Variants in DLGAP4 observed in about 807,000 individuals in gnomAD.
The protein encoded by DLGAP4 is disks large-associated protein 4.
Under a neutral mutation model 86.9 loss-of-function variants are expected in DLGAP4, and 18 were observed. The ratio of observed to expected loss-of-function variants is 0.21; its 90% confidence interval spans 0.14 to 0.31. DLGAP4 has a LOEUF of 0.31. Ranked by LOEUF, DLGAP4 falls within the 10% of genes least tolerant of loss-of-function variation. The pLI is 1.00. For synonymous variants in DLGAP4, 548 were observed against 574.3 expected (o/e 0.95, Z 0.65); for missense variants, 1,085 against 1,362.6 (o/e 0.80, Z 3.21).
intron 1 of DLGAP4, among the ~76,000 whole-genome samples, chr20:36,316,968 T>A (rs1184509120): frequency 1.3e-5 from 2 of 152,186 alleles, no homozygotes; most frequent in Non-Finnish European, 2.9e-5. Context: ...TGGGAGAAGC[T>A]CAGCTGTTTG....
In DLGAP4 at chr20:36,431,742, C is replaced by T; in HGVS notation, c.25C>T (p.Pro9Ser). The T allele has an allele frequency of 6.2e-7, 1 of 1,602,348 alleles. No homozygotes were observed. The change falls in exon 3 of 13, where the codon CCC (proline) becomes TCC (serine). Residue 9 changes from proline (P) to serine (S), a missense_variant. Around this residue, in one of 2 missense-constraint regions of DLGAP4, gnomAD observed 1,082 missense variants for 1,344.1 expected, o/e 0.81. Transcript: ENST00000339266. This position sits in a 1 kb window ranked among gnomAD's most constrained non-coding sequence, Gnocchi z 5.1. MKGLGDSR[P>S]RHLSDSLDPP... is the part of the protein sequence containing the mutation. ...CATGAAAGGCCTCGGTGACAGCCGCCCCCGCCACCTCTCCGACAGCCTAGA... is the reference window on the plus strand; with the variant it reads ...CATGAAAGGCCTCGGTGACAGCCGCTCCCGCCACCTCTCCGACAGCCTAGA...
chr20:36,498,233 C>G (rs1289381688), intron 8 of DLGAP4: 1 of 152,258 alleles, frequency 6.6e-6, no homozygotes, highest in Admixed American at 6.5e-5. Flanking sequence ...TCTAGGCTTC[C>G]ACTTCCCCAT....
chr20:36,371,579 C>T (rs780239058), intron 2 of DLGAP4, among the ~76,000 whole-genome samples: 4 of 152,210 alleles, frequency 2.6e-5, no homozygotes, highest in Non-Finnish European at 5.9e-5. Context: ...GCTCATGTAA[C>T]ATCGTTGCTG....
At chr20:36,358,633 T>C (rs989027719) in intron 1 of DLGAP4, among the ~76,000 whole-genome samples, 7 of 152,080 alleles carry the variant, frequency 4.6e-5, no homozygotes, top group African/African-American at 1.4e-4. Context: ...GGTGAAACCC[T>C]GTCTCTACTA....
chr20:36,462,716 C>T, intron 7 of DLGAP4: 2 of 1,365,166 alleles, frequency 1.5e-6, no homozygotes, highest in Non-Finnish European at 1.9e-6. Flanking sequence ...GGCTCTGAGG[C>T]CTCCCACAAA....
chr20:36,483,388 G>T (rs991747390), intron 7 of DLGAP4, among the ~76,000 whole-genome samples: 12 of 152,182 alleles, frequency 7.9e-5, no homozygotes, highest in African/African-American at 1.2e-4. Flanking sequence ...CAGGCTGGGG[G>T]GAAACCAGGA....
intron 7 of DLGAP4, among the ~76,000 whole-genome samples, chr20:36,495,736 G>C (rs1194268382): frequency 6.6e-6 from 1 of 152,204 alleles, no homozygotes; most frequent in Non-Finnish European, 1.5e-5. Flanking sequence ...CAGGGAGTTG[G>C]ACCAGTGGAG....
chr20:36,384,480 G>A (rs2031524029), intron 2 of DLGAP4, among the ~76,000 whole-genome samples: 1 of 152,140 alleles, frequency 6.6e-6, no homozygotes, highest in Non-Finnish European at 1.5e-5. Flanking sequence ...CAACCTACAG[G>A]GGAGGTACTA....
At chr20:36,365,145 G>A (rs1180506854) in intron 1 of DLGAP4, among the ~76,000 whole-genome samples, 2 of 152,194 alleles carry the variant, frequency 1.3e-5, no homozygotes, top group Admixed American at 6.5e-5. Flanking sequence ...GAGACTTGCC[G>A]TTCTGTCAGC....
chr20:36,315,673 C>T (rs2065092559), intron 1 of DLGAP4, among the ~76,000 whole-genome samples: 1 of 152,074 alleles, frequency 6.6e-6, no homozygotes. Flanking sequence ...GGGGCTGGGC[C>T]TCCCCTTCCC....
At chr20:36,381,686 G>A (rs2031398047) in intron 2 of DLGAP4, among the ~76,000 whole-genome samples, 1 of 152,120 alleles carries the variant, frequency 6.6e-6, no homozygotes, top group Admixed American at 6.5e-5. Flanking sequence ...GGTGTCCTGG[G>A]GTAAGCCCCT....
At chr20:36,401,964 G>C (rs947891199) in intron 2 of DLGAP4, among the ~76,000 whole-genome samples, 12 of 152,178 alleles carry the variant, frequency 7.9e-5, no homozygotes, top group Admixed American at 2.0e-4. Flanking sequence ...GGCTGGAGCC[G>C]AGTGAATGAC....
intron 1 of DLGAP4, among the ~76,000 whole-genome samples, chr20:36,353,323 G>T (rs1401230083): frequency 6.6e-6 from 1 of 152,170 alleles, no homozygotes; most frequent in Non-Finnish European, 1.5e-5. Flanking sequence ...CTGAGAGGGG[G>T]CGGCTCTGGC....
chr20:36,469,413 G>T (rs1030732047), intron 7 of DLGAP4, among the ~76,000 whole-genome samples: 10 of 152,078 alleles, frequency 6.6e-5, no homozygotes, highest in Admixed American at 6.6e-4. Flanking sequence ...GAGCATCTTG[G>T]TATAAAGCAA....
At chr20:36,463,484 C>T (rs957646989) in intron 7 of DLGAP4, among the ~76,000 whole-genome samples, 1 of 152,196 alleles carries the variant, frequency 6.6e-6, no homozygotes, top group Admixed American at 6.5e-5. Context: ...GGCTCTTTAA[C>T]CTCCTCCCCA....
chr20:36,463,052 C>T (rs1295551874), intron 7 of DLGAP4, among the ~76,000 whole-genome samples: 1 of 152,122 alleles, frequency 6.6e-6, no homozygotes, highest in African/African-American at 2.4e-5. Flanking sequence ...CTGTGGGGTT[C>T]ATGGCCAGAA....
chr20:36,355,928 G>A lies in DLGAP4; in HGVS notation c.-303-11117G>A, dbSNP rs150337875. On this transcript the variant is annotated intron_variant, in intron 1 of 12. Coordinates refer to ENST00000339266, the MANE Select transcript of DLGAP4 (RefSeq NM_001365621.2). ...GTGAGGATAGAGCTCAGGCCCCAGG[G>A]TAAGCCAATGGGCATAGAGCTCATG... is the stretch of plus-strand genomic sequence containing the variant. 8.2e-3 allele frequency among the ~76,000 whole-genome samples: 1,243 copies of A among 152,320 alleles called. 10 individuals are homozygous for A. Among genetic ancestry groups the A allele is most frequent in the South Asian group, 0.028 (134 of 4,828 alleles).
intron 7 of DLGAP4, among the ~76,000 whole-genome samples, chr20:36,455,081 C>G (rs1361633288): frequency 3.3e-5 from 5 of 152,096 alleles, no homozygotes; most frequent in African/African-American, 4.8e-5. Flanking sequence ...CCCCAGTCTG[C>G]CCCCTCCTGC....
intron 7 of DLGAP4, among the ~76,000 whole-genome samples, chr20:36,467,068 C>G (rs997096313): frequency 2.2e-5 from 3 of 137,508 alleles, no homozygotes; most frequent in Non-Finnish European, 3.1e-5. Flanking sequence ...CTCTCTCCCC[C>G]CCCCTTCTCT....
Sources: gnomAD v4.1 joint callset for allele counts (sites outside exome capture counted in the v4.1 genomes callset) on GRCh38, gnomAD v4.1.1 for gene constraint, gnomAD v4.1.1 regional missense constraint, Gnocchi (gnomAD v3.1) non-coding constraint, MANE v1.5 for transcripts, NCBI Gene and HGNC (gene_info 2026-07-23, HGNC 2026-07-21) for gene names.